Variants in HEPH observed in about 807,000 individuals in gnomAD.
The protein encoded by HEPH is hephaestin.
HEPH carries 69 observed loss-of-function variants against 80.8 expected under a neutral mutation model. The ratio of observed to expected loss-of-function variants is 0.85; its 90% CI spans 0.70 to 1.04. The LOEUF is 1.04. Ranked by LOEUF, HEPH falls within the 50% of genes least tolerant of loss-of-function variation. The pLI, the probability that HEPH is intolerant of heterozygous loss-of-function variation, is 0.00. For synonymous variants in HEPH, 431 were observed against 322.8 expected (o/e 1.34, Z -3.60); for missense variants, 1,115 against 891.3 (o/e 1.25, Z -3.20).
At chrX:66,247,786 G>C (rs1332386774) in intron 15 of HEPH, among the ~76,000 whole-genome samples, 1 of 111,611 alleles carries the variant, frequency 9.0e-6, no homozygotes, top group Non-Finnish European at 1.9e-5. Context: ...CGATAGAAAT[G>C]TGTGACTAAG....
intron 15 of HEPH, among the ~76,000 whole-genome samples, chrX:66,231,130 A>T (rs201133327): frequency 9.1e-6 from 1 of 109,367 alleles, no homozygotes; most frequent in Non-Finnish European, 1.9e-5. Context: ...TGTTCCATTG[A>T]TCTATATCTC....
At chrX:66,249,395 C>G (rs777164157) in intron 15 of HEPH, among the ~76,000 whole-genome samples, 22 of 111,351 alleles carry the variant, frequency 2.0e-4, no homozygotes, top group Non-Finnish European at 4.0e-4. Context: ...AAGTTTTTGC[C>G]AATATTATTC....
In HEPH at chrX:66,170,543, T is replaced by A. The variant is rs775656414; in HGVS notation, c.-13-15T>A. ...TTTCTTCTACACCAGCAGTTTTTAT[T>A]TGCCTGTTTCCCAGAGTAATGTGGG... On this transcript the variant is annotated splice_polypyrimidine_tract_variant and intron_variant, in intron 1 of 20. Coordinates refer to ENST00000343002, the MANE Select transcript of HEPH (RefSeq NM_001367233.3). 8.3e-7 allele frequency: 1 copy of A among 1,198,654 alleles called. No homozygotes were observed. The highest frequency in any genetic ancestry group is 1.1e-6 in the Non-Finnish European group (1 of 886,587).
chrX:66,232,092 A>G lies in HEPH; in HGVS notation c.2564-22943A>G, dbSNP rs752592553. ...TGCTGGATTACATTTATTGATTTGC[A>G]TATATTGAACCAGCCTTGCATCCCA... On this transcript the variant is annotated intron_variant, in intron 15 of 20. Coordinates refer to ENST00000343002, the MANE Select transcript of HEPH (RefSeq NM_001367233.3). 7.2e-3 allele frequency among the ~76,000 whole-genome samples: 789 copies of G among 108,935 alleles called. 14 individuals carry two copies. The highest frequency in any genetic ancestry group is 0.025 in the African/African-American group (726 of 29,599). 94.6% of individuals were successfully genotyped at this position (108,935 alleles called of 115,157 possible).
intron 4 of HEPH, among the ~76,000 whole-genome samples, chrX:66,187,685 G>T: frequency 9.0e-6 from 1 of 111,001 alleles, no homozygotes; most frequent in South Asian, 3.9e-4. Context: ...TTCCTTCAGA[G>T]GGTCTGTGGG....
chrX:66,268,164 C>T (rs997563192), downstream of HEPH: 1 of 111,674 alleles, frequency 9.0e-6, no homozygotes, highest in African/African-American at 3.3e-5. Flanking sequence ...TGTTTGACTC[C>T]AAATACCTAT....
At position 66,255,063 on chromosome X, in the gene HEPH, C is replaced by T. The variant is rs761443686; in HGVS notation, c.2592C>T (p.Ile864=). ...PGEVVTYQWN[I]PERSGPGPND... ...AGGTGGTCACTTATCAGTGGAACAT[C>T]CCAGAGAGGTCTGGCCCTGGGCCCA... Residue 864 remains isoleucine (I), a synonymous_variant, in exon 16 of 21, where the codon ATC becomes ATT. Transcript: ENST00000343002. The T allele has an allele frequency of 8.3e-7, 1 of 1,204,159 alleles. No individual in the cohort carries two copies. The highest frequency in any genetic ancestry group is 1.1e-6 in the Non-Finnish European group (1 of 891,641).
At chrX:66,254,571 G>A (rs1170769684) in intron 15 of HEPH, among the ~76,000 whole-genome samples, 2 of 110,577 alleles carry the variant, frequency 1.8e-5, no homozygotes, top group Non-Finnish European at 3.8e-5. Context: ...CTGGAACTAA[G>A]TATTTAAGAG....
chrX:66,221,809 C>A (rs1160041893), intron 15 of HEPH, among the ~76,000 whole-genome samples: 1 of 112,467 alleles, frequency 8.9e-6, no homozygotes. Context: ...TGTCACCTAC[C>A]AAAATATTGA....
chrX:66,266,013 T>C (rs2091524870), intron 20 of HEPH, among the ~76,000 whole-genome samples: 2 of 112,195 alleles, frequency 1.8e-5, no homozygotes, highest in Non-Finnish European at 3.8e-5. Context: ...TGTCATGGTT[T>C]AATTGTCAAA....
At chrX:66,250,736 A>C (rs2090971156) in intron 15 of HEPH, among the ~76,000 whole-genome samples, 1 of 112,122 alleles carries the variant, frequency 8.9e-6, no homozygotes, top group Admixed American at 9.5e-5. Context: ...AAGTTGTTGT[A>C]TGTGTCAATA....
intron 8 of HEPH, among the ~76,000 whole-genome samples, chrX:66,194,877 T>C (rs968684572): frequency 8.9e-6 from 1 of 112,549 alleles, no homozygotes; most frequent in Admixed American, 9.4e-5. Flanking sequence ...TGCCTTAAAA[T>C]GATGTTTGAG....
chrX:66,207,061 A>T, intron 13 of HEPH, 134 bp from the exon 14 acceptor site: 1 of 394,948 alleles, frequency 2.5e-6, no homozygotes, highest in Non-Finnish European at 4.0e-6. Context: ...AGAAAAAAAA[A>T]GAAATAGGTC....
At chrX:66,259,741 C>T (rs1456318245) in intron 18 of HEPH, among the ~76,000 whole-genome samples, 2 of 104,581 alleles carry the variant, frequency 1.9e-5, no homozygotes, top group Admixed American at 1.0e-4. Flanking sequence ...TGGAGTCTCA[C>T]TCTGTCATCC....
chrX:66,207,116 C>T (rs2088826586), intron 13 of HEPH, 79 bp from the exon 14 acceptor site: 3 of 944,959 alleles, frequency 3.2e-6, no homozygotes, highest in Non-Finnish European at 2.9e-6. Flanking sequence ...CTGGTTCTGA[C>T]TTAGCTTCCC....
chrX:66,213,437 A>C (rs2089241794), intron 15 of HEPH, among the ~76,000 whole-genome samples: 1 of 112,058 alleles, frequency 8.9e-6, no homozygotes, highest in African/African-American at 3.2e-5. Context: ...TGGATTAAGA[A>C]AATGTGGCAC....
chrX:66,171,526 C>A (rs536823306), intron 2 of HEPH, among the ~76,000 whole-genome samples: 12 of 111,966 alleles, frequency 1.1e-4, no homozygotes, highest in Middle Eastern at 4.6e-3. Context: ...TATTTTGTGA[C>A]CATGACTCAT....
At chrX:66,241,071 T>C (rs1026047461) in intron 15 of HEPH, among the ~76,000 whole-genome samples, 18 of 111,750 alleles carry the variant, frequency 1.6e-4, no homozygotes, top group African/African-American at 5.9e-4. Flanking sequence ...AGGGAATTCA[T>C]TACCACCACA....
rs1166684552 is a variant in HEPH at position 66,195,163 on chromosome X, C to A, written c.1435C>A (p.Pro479Thr). Reference protein sequence around the residue: ...QVVFYNRASQPFSMQPHGVFY... With the variant: ...QVVFYNRASQTFSMQPHGVFY... ...GGTCTTCTACAACCGTGCCTCCCAG[C>A]CATTCAGCATGCAGCCCCATGGGGT... The change falls in exon 9 of 21, where the codon CCA (proline) becomes ACA (threonine). Residue 479 changes from proline (P) to threonine (T), a missense_variant. Pro to Thr is a conservative substitution (Grantham distance 38). This residue lies in a region of HEPH where 8 missense variants were observed against 24.2 expected (regional missense o/e 0.33). Transcript: ENST00000343002. 2 of 1,204,161 alleles carry A rather than the reference C, an allele frequency of 1.7e-6. No individual in the cohort carries two copies. The highest frequency in any genetic ancestry group is 2.2e-6 in the Non-Finnish European group (2 of 891,339).
Sources: gnomAD v4.1 joint callset for allele counts (sites outside exome capture counted in the v4.1 genomes callset) on GRCh38, gnomAD v4.1.1 for gene constraint, gnomAD v4.1.1 regional missense constraint, MANE v1.5 for transcripts, NCBI Gene and HGNC (gene_info 2026-07-23, HGNC 2026-07-21) for gene names.